Variants in ADH1A observed in about 807,000 individuals in gnomAD.
The protein encoded by ADH1A is alcohol dehydrogenase 1A.
ADH1A carries 29 observed loss-of-function variants against 35.2 expected under a neutral mutation model. The observed-to-expected ratio is 0.82, with a 90% CI of 0.61 to 1.12. The LOEUF (loss-of-function observed/expected upper bound fraction) is 1.12. Among genes scored for constraint, ADH1A ranks in the 50% most tolerant of loss-of-function variants. The pLI is 0.00. For synonymous variants in ADH1A, 147 were observed against 164.8 expected, an observed-to-expected ratio of 0.89 and a Z score of 0.83; for missense variants, 469 against 464.7, an observed-to-expected ratio of 1.01 and a Z score of -0.09.
chr4:99,286,141 T>C (rs1435297469), intron 3 of ADH1A, among the ~76,000 whole-genome samples: 1 of 152,000 alleles, frequency 6.6e-6, no homozygotes, highest in Admixed American at 6.6e-5. Flanking sequence ...ATTTTATAGG[T>C]AAAATTTATG....
In ADH1A at chr4:99,287,006, G is replaced by T; in HGVS notation, c.121-18C>A. ...GCCACCATCTACAGAGTGAAGAGAA[G>T]ATGTTTATAAAAGATTGTGAGTCTC... is the stretch of plus-strand genomic sequence containing the variant. On this transcript the variant is annotated intron_variant, in intron 2 of 8. Transcript: ENST00000209668. 8 of 1,604,262 alleles carry T rather than the reference G, an allele frequency of 5.0e-6. No homozygotes were observed. The highest frequency in any genetic ancestry group is 6.8e-6 in the Non-Finnish European group (8 of 1,177,246).
intron 6 of ADH1A, 161 bp downstream of exon 6, chr4:99,282,185 C>A: frequency 7.3e-7 from 1 of 1,369,688 alleles, no homozygotes; most frequent in Middle Eastern, 1.8e-4. Flanking sequence ...ATAAAAGATT[C>A]CTCATAACAA....
chr4:99,288,859 C>A (rs1317314447), intron 1 of ADH1A: 1 of 151,892 alleles, frequency 6.6e-6, no homozygotes, highest in Non-Finnish European at 1.5e-5. Context: ...CAGGTGTTTT[C>A]TGGTTACCTG....
chr4:99,276,766 A>AC (rs1441007716), intron 8 of ADH1A, 118 bp from the exon 9 acceptor site: 2 of 927,322 alleles, frequency 2.2e-6, no homozygotes, highest in African/African-American at 3.3e-5. Context: ...CTCTAATCCC[A>AC]CCCCCATGCA....
chr4:99,280,800 C>G (rs377688433), intron 6 of ADH1A, among the ~76,000 whole-genome samples: 1 of 152,240 alleles, frequency 6.6e-6, no homozygotes, highest in East Asian at 1.9e-4. Flanking sequence ...CTCAAATGGA[C>G]ATGTTTTAAA....
Position 99,284,503 on chromosome 4 carries a change from C to T in ADH1A, c.463G>A (p.Glu155Lys). 1 of 1,614,220 alleles carries T rather than the reference C, an allele frequency of 6.2e-7. No homozygotes were observed. The highest frequency in any genetic ancestry group is 8.5e-7 in the Non-Finnish European group (1 of 1,180,038). The change falls in exon 5 of 9, where the codon GAA (glutamate) becomes AAA (lysine). Residue 155 changes from glutamate to lysine, a missense_variant. Physicochemically the swap from Glu to Lys is moderately conservative, Grantham distance 56. Coordinates refer to ENST00000209668, the MANE Select transcript of ADH1A (RefSeq NM_000667.4). ...GCATCAATTTTGGCTACTGCATTTT[C>T]ATCCACCACTGTGTACTGTGAGAAG... ...STFSQYTVVD[E>K]NAVAKIDAAS...
chr4:99,280,053 G>C lies in ADH1A; in HGVS notation c.964+91C>G, dbSNP rs1732961772. The C allele has an allele frequency of 1.9e-6, 3 of 1,539,292 alleles. No homozygotes were observed. In the South Asian group the frequency reaches 3.4e-5, roughly 17 times the overall value. ...AGAAAAGGAATTTTAATTTGTTTTT[G>C]ATCTGCTTTTCAAAACCTTGCCTTG... On this transcript the variant is annotated intron_variant, in intron 7 of 8. Transcript: ENST00000209668.
At chr4:99,287,473 T>G in intron 2 of ADH1A, 91 bp downstream of exon 2, 1 of 1,255,230 alleles carries the variant, frequency 8.0e-7, no homozygotes, top group Middle Eastern at 2.6e-4. Flanking sequence ...TATTCTATTT[T>G]CTGGATGATC....
At chr4:99,284,856 A>G in intron 3 of ADH1A, 53 bp from the exon 4 acceptor site, 2 of 1,483,602 alleles carry the variant, frequency 1.3e-6, no homozygotes, top group Non-Finnish European at 1.9e-6. Flanking sequence ...GTATTAATAG[A>G]GCAAAAACAT....
intron 8 of ADH1A, among the ~76,000 whole-genome samples, chr4:99,278,858 A>G (rs1246652754): frequency 2.0e-5 from 3 of 152,184 alleles, no homozygotes; most frequent in Non-Finnish European, 4.4e-5. Flanking sequence ...AACATTTACA[A>G]TAGTGTTTAG....
At chr4:99,288,279 T>C (rs1278870674) in intron 1 of ADH1A, among the ~76,000 whole-genome samples, 1 of 152,204 alleles carries the variant, frequency 6.6e-6, no homozygotes, top group African/African-American at 2.4e-5. Context: ...ATCTGATCTA[T>C]GTGTAGAGAC....
At chr4:99,277,054 A>G (rs1732886679) in intron 8 of ADH1A, among the ~76,000 whole-genome samples, 1 of 152,022 alleles carries the variant, frequency 6.6e-6, no homozygotes, top group Non-Finnish European at 1.5e-5. Context: ...CAACACTAGG[A>G]GGTAGATTTT....
intron 6 of ADH1A, 45 bp from the exon 7 acceptor site, chr4:99,280,324 A>G (rs60357540): frequency 6.2e-7 from 1 of 1,611,162 alleles, no homozygotes; most frequent in African/African-American, 1.3e-5. Context: ...GGAGTCGCAT[A>G]GTTCCTATTC....
At chr4:99,282,809 T>C (rs540793901) in intron 5 of ADH1A, among the ~76,000 whole-genome samples, 1 of 152,256 alleles carries the variant, frequency 6.6e-6, no homozygotes, top group South Asian at 2.1e-4. Flanking sequence ...TCTGGGCAGG[T>C]TTAAAAATAT....
intron 1 of ADH1A, among the ~76,000 whole-genome samples, chr4:99,288,942 A>G (rs1733224825): frequency 1.3e-5 from 2 of 152,074 alleles, no homozygotes; most frequent in Admixed American, 1.3e-4. Context: ...TGCACCCAAT[A>G]TGTAGTCTTT....
intron 8 of ADH1A, among the ~76,000 whole-genome samples, chr4:99,278,179 T>C (rs570426705): frequency 6.6e-6 from 1 of 152,290 alleles, no homozygotes; most frequent in Admixed American, 6.5e-5. Context: ...CTTCTGGTTT[T>C]GTTCATCTCT....
intron 1 of ADH1A, 45 bp downstream of exon 1, chr4:99,290,852 T>C: frequency 6.4e-7 from 1 of 1,571,078 alleles, no homozygotes; most frequent in Non-Finnish European, 8.8e-7. Context: ...TTCTTTGTTA[T>C]ATTGATGAGA....
At position 99,282,593 on chromosome 4, in the gene ADH1A, G is replaced by A. The variant is rs1733036134; in HGVS notation, c.581C>T (p.Ser194Phe). Residue 194 changes from serine to phenylalanine, a missense_variant, in exon 6 of 9, where the codon TCT (serine) becomes TTT (phenylalanine). By Grantham distance (155) the Ser-to-Phe change is radical. Transcript: ENST00000209668. ...AVNVAKVTPG[S>F]TCAVFGLGGV... ...TCCCAGGCCAAACACAGCACAGGTA[G>A]AGCCTGGGGTGACCTGTGTTTTCAG... is the stretch of plus-strand genomic sequence containing the variant. The A allele has an allele frequency of 1.2e-6, 2 of 1,613,262 alleles. No individual in the cohort carries two copies. Among genetic ancestry groups the A allele is most frequent in the East Asian group, 4.5e-5 (2 of 44,880 alleles).
chr4:99,287,283 T>C (rs1338378017), intron 2 of ADH1A, among the ~76,000 whole-genome samples: 1 of 152,184 alleles, frequency 6.6e-6, no homozygotes, highest in African/African-American at 2.4e-5. Context: ...GAAGTAGAAG[T>C]TGCAAATTAA....
Sources: gnomAD v4.1 joint callset for allele counts (sites outside exome capture counted in the v4.1 genomes callset) on GRCh38, gnomAD v4.1.1 for gene constraint, MANE v1.5 for transcripts, NCBI Gene and HGNC (gene_info 2026-07-23, HGNC 2026-07-21) for gene names.